BBS12: variants seen among roughly 807,000 people sequenced by gnomAD.
BBS12 encodes Bardet-Biedl syndrome 12, also known as chaperonin-containing T-complex member BBS12.
BBS12 carries 5 observed loss-of-function variants against 5.6 expected under a neutral mutation model. The observed-to-expected ratio is 0.89, with a 90% CI of 0.46 to 1.86. BBS12 has a LOEUF of 1.86. Ranked by LOEUF, BBS12 falls within the 40% of genes most tolerant of loss-of-function variation. The pLI is 0.01. For synonymous variants in BBS12, 308 were observed against 306.8 expected, an observed-to-expected ratio of 1.00 and a Z score of -0.04; for missense variants, 748 against 830.4, an observed-to-expected ratio of 0.90 and a Z score of 1.22.
the BBS12 span, among the ~76,000 whole-genome samples, chr4:122,719,074 C>T: frequency 1.3e-5 from 2 of 152,186 alleles, no homozygotes; most frequent in Non-Finnish European, 2.9e-5. Flanking sequence ...CCACCTCAGC[C>T]TCCCAAAGCA....
rs1553941372 is a variant in BBS12 at position 122,742,914 on chromosome 4, CTAA to C, written c.1027_1029del (p.Asn343del). 6.2e-7 allele frequency: 1 copy of C among 1,614,190 alleles called. No individual in the cohort carries two copies. The highest frequency in any genetic ancestry group is 1.1e-5 in the South Asian group (1 of 91,062). ...GGATATATCACTGTTGTGTCAGTAT[CTAA>C]TAATCCTGTGATCAAGGAATTGCAG... On this transcript the variant is annotated inframe_deletion, in exon 2 of 2. Coordinates refer to ENST00000314218, the MANE Select transcript of BBS12 (RefSeq NM_152618.3).
intron 1 of BBS12, among the ~76,000 whole-genome samples, chr4:122,738,188 C>T (rs309365): frequency 0.2 from 31,114 of 151,924 alleles, 3,480 homozygotes; most frequent in Non-Finnish European, 0.23. Context: ...CAAACAACAA[C>T]AAAAAAATAG....
chr4:122,707,025 C>T, the BBS12 span, among the ~76,000 whole-genome samples: 1 of 137,566 alleles, frequency 7.3e-6, no homozygotes, highest in Non-Finnish European at 1.5e-5. Flanking sequence ...AACTTTATAA[C>T]TGTATTCATT....
chr4:122,717,806 T>G, the BBS12 span, among the ~76,000 whole-genome samples: 1 of 152,296 alleles, frequency 6.6e-6, no homozygotes, highest in East Asian at 1.9e-4. Flanking sequence ...ATTACAGGCA[T>G]GAGCCACCAC....
chr4:122,713,811 A>C, the BBS12 span, among the ~76,000 whole-genome samples: 1 of 152,212 alleles, frequency 6.6e-6, no homozygotes, highest in Non-Finnish European at 1.5e-5. Flanking sequence ...GGGAAGGAGA[A>C]ATTGCAATTT....
the BBS12 span, among the ~76,000 whole-genome samples, chr4:122,709,092 TATAC>T: frequency 6.6e-6 from 1 of 151,798 alleles, no homozygotes; most frequent in African/African-American, 2.4e-5. Flanking sequence ...TATATACTAA[TATAC>T]ATATAATAAT....
chr4:122,720,274 A>G, the BBS12 span, among the ~76,000 whole-genome samples: 5 of 152,092 alleles, frequency 3.3e-5, no homozygotes, highest in Admixed American at 6.5e-5. Flanking sequence ...AACATGGCAA[A>G]ACCCCATCTC....
the BBS12 span, among the ~76,000 whole-genome samples, chr4:122,721,789 A>G: frequency 7.4e-4 from 112 of 152,292 alleles, no homozygotes; most frequent in Non-Finnish European, 1.4e-3. Flanking sequence ...TTTCTAACCT[A>G]TCCTCAGAAG....
At chr4:122,718,751 A>AATGAT in the BBS12 span, among the ~76,000 whole-genome samples, 2 of 150,232 alleles carry the variant, frequency 1.3e-5, no homozygotes, top group East Asian at 1.9e-4. Flanking sequence ...AATGAAATGA[A>AATGAT]ATGAAATGAA....
At chr4:122,726,800 G>A in the BBS12 span, among the ~76,000 whole-genome samples, 1 of 152,214 alleles carries the variant, frequency 6.6e-6, no homozygotes, top group South Asian at 2.1e-4. Context: ...TATGGCATTT[G>A]CAGCAACCTG....
chr4:122,743,114 A>C lies in BBS12; in HGVS notation c.1222A>C (p.Lys408Gln), dbSNP rs761289497. Residue 408 changes from lysine to glutamine, a missense_variant, in exon 2 of 2, where the codon AAG (lysine) becomes CAG (glutamine). Transcript: ENST00000314218. ...CGTGTTACAGGTGTTAATCCAGTTC[A>C]AGGTGAACCTTGTCCTGGTACAAGG... The part of the protein sequence containing the change: ...NHVLQVLIQF[K>Q]VNLVLVQGNV... The C allele has an allele frequency of 6.2e-7, 1 of 1,614,138 alleles. No homozygotes were observed. The highest frequency in any genetic ancestry group is 1.3e-5 in the African/African-American group (1 of 74,942).
intron 1 of BBS12, among the ~76,000 whole-genome samples, chr4:122,740,795 T>C (rs1800859426): frequency 6.6e-6 from 1 of 152,226 alleles, no homozygotes. Context: ...ACAATTATTA[T>C]TGTTATTAAA....
the BBS12 span, among the ~76,000 whole-genome samples, chr4:122,715,583 A>G: frequency 3.6e-3 from 541 of 152,276 alleles, 6 homozygotes; most frequent in African/African-American, 0.013. Context: ...TTCCACCACG[A>G]AACACTCCTC....
the BBS12 span, among the ~76,000 whole-genome samples, chr4:122,709,749 G>A: frequency 6.6e-6 from 1 of 152,008 alleles, no homozygotes; most frequent in Admixed American, 6.6e-5. Context: ...CCACTTCCTG[G>A]GTTCAAGCTA....
intron 1 of BBS12, among the ~76,000 whole-genome samples, chr4:122,740,278 T>G (rs1017849575): frequency 1.1e-4 from 17 of 152,094 alleles, no homozygotes; most frequent in South Asian, 6.2e-4. Context: ...AAAATAAAAA[T>G]AAAAAGAATG....
At position 122,743,904 on chromosome 4, in the gene BBS12, A is replaced by G. The variant is rs769279531; in HGVS notation, c.2012A>G (p.Glu671Gly). 1 of 1,605,370 alleles carries G rather than the reference A, an allele frequency of 6.2e-7. No homozygotes were observed. The highest frequency in any genetic ancestry group is 1.1e-5 in the South Asian group (1 of 89,462). The change falls in exon 2 of 2, where the codon GAG becomes GGG. Residue 671 changes from glutamate (E) to glycine (G), a missense_variant. Transcript: ENST00000314218. ...RVYDVVTPKI[E>G]AWRRALDLVL... ...TATGACGTTGTTACACCAAAGATTG[A>G]GGCGTGGCGCCGAGCATTGGATTTA...
At chr4:122,706,862 C>G in the BBS12 span, among the ~76,000 whole-genome samples, 1 of 152,120 alleles carries the variant, frequency 6.6e-6, no homozygotes, top group Non-Finnish European at 1.5e-5. Context: ...CATAAACGTG[C>G]ATTAACTTAT....
At chr4:122,739,985 T>C (rs922398567) in intron 1 of BBS12, among the ~76,000 whole-genome samples, 3 of 152,120 alleles carry the variant, frequency 2.0e-5, no homozygotes, top group African/African-American at 7.2e-5. Context: ...ACATTAAGAA[T>C]GCTGGCTGGG....
chr4:122,704,142 G>T, the BBS12 span, among the ~76,000 whole-genome samples: 4 of 152,208 alleles, frequency 2.6e-5, no homozygotes, highest in African/African-American at 9.7e-5. Context: ...GAGTCACCAT[G>T]CCTGGCCAGG....
Sources: gnomAD v4.1 joint callset for allele counts (sites outside exome capture counted in the v4.1 genomes callset) on GRCh38, gnomAD v4.1.1 for gene constraint, MANE v1.5 for transcripts, NCBI Gene and HGNC (gene_info 2026-07-23, HGNC 2026-07-21) for gene names.